Variants in ACAT1 observed in about 807,000 individuals in gnomAD.
ACAT1 encodes acetyl-CoA acetyltransferase, mitochondrial.
Under a neutral mutation model 47.3 loss-of-function variants are expected in ACAT1, and 28 were observed. The observed-to-expected ratio is 0.59, with a 90% CI of 0.44 to 0.81. The LOEUF is 0.81. Among genes scored for constraint, ACAT1 ranks in the 30% least tolerant of loss-of-function variants. The pLI, the probability that ACAT1 is intolerant of heterozygous loss-of-function variation, is 0.00. For synonymous variants in ACAT1, 181 were observed against 173.6 expected (o/e 1.04, Z -0.34); for missense variants, 469 against 524.3 (o/e 0.89, Z 1.03).
rs561366826 is a variant in ACAT1, at chr11:108,144,727, A to G, written c.1005+680A>G. Among the ~76,000 whole-genome samples the G allele has an allele frequency of 1.2e-4, 19 of 152,208 alleles. 1 individual carries two copies. The South Asian group carries it at 3.7e-3, about 30-fold the overall frequency. ...CAATGAAAAAAAAAACTGCAGAATC[A>G]GTAGGAAACAAGAATAGAGAAGATC... On this transcript the variant is annotated intron_variant, in intron 10 of 11. Transcript: ENST00000265838.
chr11:108,146,513 C>T (rs1282041025), intron 11 of ACAT1, among the ~76,000 whole-genome samples, 154 bp downstream of exon 11: 2 of 152,192 alleles, frequency 1.3e-5, no homozygotes, highest in Admixed American at 6.5e-5. Context: ...GTATCCAATA[C>T]TGAACAGAGA....
chr11:108,136,308 C>G (rs1456062237), intron 5 of ACAT1: 1 of 400,010 alleles, frequency 2.5e-6, no homozygotes, highest in African/African-American at 2.1e-5. Flanking sequence ...GTGCAGGTCT[C>G]TGTTGGAAAA....
At chr11:108,138,586 G>A (rs537678761) in intron 5 of ACAT1, 9 of 351,898 alleles carry the variant, frequency 2.6e-5, no homozygotes, top group African/African-American at 1.5e-4. Context: ...TAGTAGAGAC[G>A]GGGTTTCACC....
intron 11 of ACAT1, 22 bp from the exon 12 acceptor site, chr11:108,147,248 G>T: frequency 6.2e-7 from 1 of 1,613,044 alleles, no homozygotes; most frequent in Non-Finnish European, 8.5e-7. Context: ...CATTAAAGAA[G>T]TAAATGCTTT....
rs1292698018 is a variant in ACAT1, at chr11:108,133,957, T to G, written c.238+20T>G. 1.2e-6 allele frequency: 2 copies of G among 1,601,334 alleles called. No individual in the cohort carries two copies. Among genetic ancestry groups the G allele is most frequent in the East Asian group, 2.2e-5 (1 of 44,796 alleles). ...AGGCAGGTCAGTAGTTACTTGGCTT[T>G]TTGTGTTAAGGGAGCAAAAAGATTC... On this transcript the variant is annotated intron_variant, in intron 3 of 11. Coordinates refer to ENST00000265838, the MANE Select transcript of ACAT1 (RefSeq NM_000019.4).
intron 9 of ACAT1, chr11:108,143,631 G>A (rs922104922): frequency 6.2e-6 from 1 of 162,562 alleles, no homozygotes; most frequent in African/African-American, 2.4e-5. Context: ...ATTGACTTTT[G>A]CACTAAGTAA....
chr11:108,130,927 T>A (rs2077344577), intron 1 of ACAT1, among the ~76,000 whole-genome samples: 1 of 152,128 alleles, frequency 6.6e-6, no homozygotes, highest in South Asian at 2.1e-4. Flanking sequence ...TTTTTGTATT[T>A]TTAGTAGAGA....
At chr11:108,126,939 C>T (rs563301584) in intron 1 of ACAT1, among the ~76,000 whole-genome samples, 19 of 151,622 alleles carry the variant, frequency 1.3e-4, no homozygotes, top group African/African-American at 3.6e-4. Flanking sequence ...ATTACAGGCG[C>T]GTGCCACCAT....
At chr11:108,126,073 G>A (rs911922046) in intron 1 of ACAT1, among the ~76,000 whole-genome samples, 1 of 152,090 alleles carries the variant, frequency 6.6e-6, no homozygotes, top group Admixed American at 6.6e-5. Context: ...CGCGATCTCG[G>A]CTCACTGAAA....
chr11:108,134,200 C>A, intron 3 of ACAT1, 21 bp from the exon 4 acceptor site: 1 of 1,362,128 alleles, frequency 7.3e-7, no homozygotes. Context: ...GCCTTTTTGA[C>A]TTTTTTTTTT....
chr11:108,127,424 C>A (rs1055112437), intron 1 of ACAT1, among the ~76,000 whole-genome samples: 24 of 152,128 alleles, frequency 1.6e-4, no homozygotes, highest in South Asian at 2.1e-4. Context: ...GCCACCACGC[C>A]TGGCTAATTT....
At chr11:108,146,086 C>A in intron 10 of ACAT1, 116 bp from the exon 11 acceptor site, 1 of 986,246 alleles carries the variant, frequency 1.0e-6, no homozygotes, top group Non-Finnish European at 1.6e-6. Context: ...CCATCTGAAA[C>A]CAAGAACTTC....
chr11:108,122,990 C>T (rs1380216281), intron 1 of ACAT1, among the ~76,000 whole-genome samples: 2 of 151,968 alleles, frequency 1.3e-5, no homozygotes, highest in South Asian at 2.1e-4. Flanking sequence ...TTTGGGAGGC[C>T]GGGGTGGGTA....
At chr11:108,138,433 G>GC (rs543184270) in intron 5 of ACAT1, among the ~76,000 whole-genome samples, 5 of 149,548 alleles carry the variant, frequency 3.3e-5, no homozygotes, top group African/African-American at 9.9e-5. Context: ...GTCTTGCTCT[G>GC]CCCCCCAGGC....
At chr11:108,116,816 A>G (rs556489902), upstream of ACAT1, among the ~76,000 whole-genome samples, 49 of 152,242 alleles carry the variant, frequency 3.2e-4, 1 homozygote, top group East Asian at 9.1e-3. Flanking sequence ...GATCTTGGAG[A>G]GAGGCATGGA....
In ACAT1 at chr11:108,146,329, G is replaced by A; in HGVS notation, c.1133G>A (p.Gly378Glu). ...EIDPQKVNIN[G>E]GAVSLGHPIG... The stretch of plus-strand genomic sequence containing the variant: ...GATCCCCAAAAAGTGAATATCAATG[G>A]AGGAGCTGTTTCTCTGGGACATCCA... The change falls in exon 11 of 12, where the codon GGA becomes GAA. Residue 378 changes from glycine (G) to glutamate (E), a missense_variant. Gly to Glu is a moderately conservative substitution (Grantham distance 98). Coordinates refer to ENST00000265838, the MANE Select transcript of ACAT1 (RefSeq NM_000019.4). 2 of 1,614,022 alleles carry A rather than the reference G, an allele frequency of 1.2e-6. No individual in the cohort carries two copies. The highest frequency in any genetic ancestry group is 1.7e-6 in the Non-Finnish European group (2 of 1,179,972).
At chr11:108,142,724 C>G (rs1591371425) in intron 9 of ACAT1, 174 bp downstream of exon 9, 3 of 601,136 alleles carry the variant, frequency 5.0e-6, no homozygotes, top group Admixed American at 4.7e-5. Context: ...GTACTACCAT[C>G]TACTCGGGAA....
chr11:108,142,814 G>A (rs1237637912), intron 9 of ACAT1: 1 of 445,848 alleles, frequency 2.2e-6, no homozygotes, highest in Non-Finnish European at 4.2e-6. Flanking sequence ...TCCAGCCTGG[G>A]TGACAGAGCG....
chr11:108,133,850 C>T lies in ACAT1; in HGVS notation c.151C>T (p.Pro51Ser). 6.2e-7 allele frequency: 1 copy of T among 1,614,032 alleles called. No homozygotes were observed. The highest frequency in any genetic ancestry group is 8.5e-7 in the Non-Finnish European group (1 of 1,180,006). ...GGTCATAGTAAGTGCTACAAGAACA[C>T]CCATTGGATCTTTTTTAGGCAGCCT... is the stretch of plus-strand genomic sequence containing the variant. Reference protein sequence around the residue: ...EVVIVSATRTPIGSFLGSLSL... With the variant: ...EVVIVSATRTSIGSFLGSLSL... Residue 51 changes from proline (P) to serine (S), a missense_variant, in exon 3 of 12, where the codon CCC becomes TCC. Pro to Ser is a moderately conservative substitution (Grantham distance 74, BLOSUM62 -1). Coordinates refer to ENST00000265838, the MANE Select transcript of ACAT1 (RefSeq NM_000019.4).
Sources: gnomAD v4.1 joint callset for allele counts (sites outside exome capture counted in the v4.1 genomes callset) on GRCh38, gnomAD v4.1.1 for gene constraint, MANE v1.5 for transcripts, NCBI Gene and HGNC (gene_info 2026-07-23, HGNC 2026-07-21) for gene names.